The following ST18 variants were observed in gnomAD, a reference collection of about 807,000 sequenced individuals.
The protein encoded by ST18 is suppression of tumorigenicity 18 protein.
ST18 carries 50 observed loss-of-function variants against 110.0 expected under a neutral mutation model. That is an observed-to-expected ratio of 0.45 (90% CI 0.36 to 0.58). The LOEUF (loss-of-function observed/expected upper bound fraction) is 0.58, where lower values mean the gene tolerates loss of function less well. Ranked by LOEUF, ST18 falls within the 20% of genes least tolerant of loss-of-function variation. The pLI is 0.00. For missense variants in ST18, 1,306 were observed against 1,280.1 expected, an observed-to-expected ratio of 1.02 and a Z score of -0.31; for synonymous variants, 461 against 452.4, an observed-to-expected ratio of 1.02 and a Z score of -0.24.
chr8:52,290,162 C>T (rs1277121883), intron 2 of ST18, among the ~76,000 whole-genome samples: 1 of 152,166 alleles, frequency 6.6e-6, no homozygotes, highest in Non-Finnish European at 1.5e-5. Context: ...TTAGCCCAGC[C>T]ACAACCACAA....
chr8:52,149,870 T>A lies in ST18; in HGVS notation c.1914A>T (p.Pro638=). The A allele has an allele frequency of 6.2e-7, 1 of 1,614,166 alleles. No homozygotes were observed. Among genetic ancestry groups the A allele is most frequent in the Non-Finnish European group, 8.5e-7 (1 of 1,180,022 alleles). The change falls in exon 16 of 26, where the codon CCA becomes CCT. Residue 638 remains proline, a synonymous_variant. Transcript: ENST00000689386. ...TTTTGAATGGGGAAGAGGAAGGAGT[T>A]GGAATAGAAGTGTTAGAGGAAGTTA... The part of the protein sequence containing the change: ...APLTSSNTSI[P]TPSSSPFKTS...
At chr8:52,247,172 A>C (rs1462611869) in intron 2 of ST18, among the ~76,000 whole-genome samples, 1 of 152,188 alleles carries the variant, frequency 6.6e-6, no homozygotes, top group Admixed American at 6.5e-5. Flanking sequence ...TAAATGAGTG[A>C]ATCAGAATAA....
At chr8:52,260,429 A>G (rs2094651790) in intron 2 of ST18, among the ~76,000 whole-genome samples, 1 of 143,812 alleles carries the variant, frequency 7.0e-6, no homozygotes, top group East Asian at 1.9e-4. Context: ...CTTATTTATC[A>G]TGTGACATGT....
At chr8:52,263,495 C>T (rs1048750035) in intron 2 of ST18, among the ~76,000 whole-genome samples, 4 of 152,054 alleles carry the variant, frequency 2.6e-5, no homozygotes, top group Admixed American at 1.3e-4. Flanking sequence ...CTCTGAGTGC[C>T]AAGTGTTGTT....
intron 2 of ST18, among the ~76,000 whole-genome samples, chr8:52,292,568 C>T (rs372415840): frequency 1.2e-4 from 18 of 152,288 alleles, no homozygotes; most frequent in African/African-American, 4.1e-4. Flanking sequence ...TGAACTCTGA[C>T]GTGTTATTAA....
intron 2 of ST18, among the ~76,000 whole-genome samples, chr8:52,401,284 TTG>T (rs1388572249): frequency 7.9e-5 from 12 of 152,218 alleles, no homozygotes; most frequent in Non-Finnish European, 1.6e-4. Context: ...GACATTTTTA[TTG>T]TAATATGACT....
At chr8:52,220,985 A>G (rs1458913025) in intron 4 of ST18, 137 bp from the exon 5 acceptor site, 1 of 152,246 alleles carries the variant, frequency 6.6e-6, no homozygotes, top group Non-Finnish European at 1.5e-5. Flanking sequence ...CAGTAGAAAT[A>G]GAATGACAAT....
At chr8:52,322,844 C>T (rs557900747) in intron 2 of ST18, among the ~76,000 whole-genome samples, 1 of 152,226 alleles carries the variant, frequency 6.6e-6, no homozygotes, top group South Asian at 2.1e-4. Flanking sequence ...CAAGAGTTCA[C>T]TTTAAAAGAA....
At chr8:52,292,150 T>C (rs76959205) in intron 2 of ST18, among the ~76,000 whole-genome samples, 1,651 of 152,340 alleles carry the variant, frequency 0.011, 35 homozygotes, top group African/African-American at 0.038. Context: ...AAAGCAGACA[T>C]ATGCTCACTG....
At chr8:52,381,066 T>G (rs1834331712) in intron 2 of ST18, among the ~76,000 whole-genome samples, 1 of 152,188 alleles carries the variant, frequency 6.6e-6, no homozygotes, top group South Asian at 2.1e-4. Flanking sequence ...GGTGGCCTGA[T>G]GAAGTAATGT....
intron 3 of ST18, among the ~76,000 whole-genome samples, chr8:52,223,933 T>C (rs1252694338): frequency 1.3e-5 from 2 of 152,186 alleles, no homozygotes; most frequent in Non-Finnish European, 2.9e-5. Flanking sequence ...AAGACCACTC[T>C]GAGATTTGCT....
intron 2 of ST18, among the ~76,000 whole-genome samples, chr8:52,333,629 C>T (rs1445502495): frequency 6.6e-6 from 1 of 152,122 alleles, no homozygotes; most frequent in Non-Finnish European, 1.5e-5. Flanking sequence ...ATAAAGGAAA[C>T]CTGAAAATAA....
Position 52,385,768 on chromosome 8 carries a change from C to T in ST18, c.-465+23560G>A, listed in dbSNP as rs978186733. ...CAGTTCATGCATGCAATAAAGCCAA[C>T]ATGTAATCACTATTTGCATGGATTT... is the stretch of plus-strand genomic sequence containing the variant. On this transcript the variant is annotated intron_variant, in intron 2 of 25. Coordinates refer to ENST00000689386, the MANE Select transcript of ST18 (RefSeq NM_001352837.2). Among the ~76,000 whole-genome samples, 7 of 150,488 alleles carry T rather than the reference C, an allele frequency of 4.7e-5. No homozygotes were observed. The South Asian group carries it at 8.5e-4, about 18-fold the overall frequency.
chr8:52,156,418 C>T (rs999639909), intron 15 of ST18, among the ~76,000 whole-genome samples: 1 of 152,108 alleles, frequency 6.6e-6, no homozygotes, highest in Non-Finnish European at 1.5e-5. Flanking sequence ...GAGAAATAAG[C>T]GTACTAATAG....
intron 23 of ST18, among the ~76,000 whole-genome samples, chr8:52,124,700 G>T (rs2046294056): frequency 6.6e-6 from 1 of 152,112 alleles, no homozygotes; most frequent in Admixed American, 6.6e-5. Flanking sequence ...GGAAAGACTG[G>T]AAGAGGCAGG....
chr8:52,155,677 T>C (rs2059841873), intron 15 of ST18, among the ~76,000 whole-genome samples: 1 of 152,216 alleles, frequency 6.6e-6, no homozygotes, highest in Non-Finnish European at 1.5e-5. Context: ...TCCTTCGTTA[T>C]ATTTTTAGAG....
intron 2 of ST18, among the ~76,000 whole-genome samples, chr8:52,350,179 T>G (rs931751681): frequency 1.3e-5 from 2 of 152,182 alleles, no homozygotes; most frequent in Non-Finnish European, 2.9e-5. Context: ...AAATATCCTT[T>G]GAGGTTCTAA....
intron 8 of ST18, among the ~76,000 whole-genome samples, chr8:52,193,278 C>A (rs1266508059): frequency 7.1e-6 from 1 of 141,278 alleles, no homozygotes; most frequent in Admixed American, 6.9e-5. Flanking sequence ...TGGTATGCAC[C>A]TCCTCCTCCC....
intron 8 of ST18, among the ~76,000 whole-genome samples, chr8:52,188,017 T>C (rs1272777892): frequency 1.3e-5 from 2 of 152,224 alleles, no homozygotes; most frequent in Non-Finnish European, 2.9e-5. Context: ...TTTGGAAATA[T>C]TCACTTATTC....
Sources: allele counts gnomAD v4.1 joint callset (sites outside exome capture counted in the v4.1 genomes callset), GRCh38; gene constraint gnomAD v4.1.1; transcripts MANE v1.5; gene names NCBI Gene and HGNC (gene_info 2026-07-23, HGNC 2026-07-21).